PARP15: variants seen among roughly 807,000 people sequenced by gnomAD.
PARP15 encodes poly(ADP-ribose) polymerase family member 15, also known as protein mono-ADP-ribosyltransferase PARP15.
Under a neutral mutation model 62.1 loss-of-function variants are expected in PARP15, and 50 were observed. The ratio of observed to expected loss-of-function variants is 0.81; its 90% confidence interval spans 0.64 to 1.02. The LOEUF is 1.02. Among genes scored for constraint, PARP15 ranks in the 50% least tolerant of loss-of-function variants. The probability of loss-of-function intolerance (pLI) is 0.00; values close to 1 mark genes in which losing one functional copy is unlikely to be tolerated. For missense variants in PARP15, 820 were observed against 826.5 expected (o/e 0.99, Z 0.10); for synonymous variants, 309 against 293.1 (o/e 1.05, Z -0.55).
At chr3:122,581,154 AT>A (rs1306638606) in intron 1 of PARP15, among the ~76,000 whole-genome samples, 5 of 152,328 alleles carry the variant, frequency 3.3e-5, no homozygotes, top group Admixed American at 2.0e-4. Context: ...ATCAGACTGT[AT>A]CCCCATCATT....
chr3:122,617,101 A>G lies in PARP15; in HGVS notation c.937A>G (p.Ile313Val). The G allele has an allele frequency of 1.9e-6, 3 of 1,614,098 alleles. No individual in the cohort carries two copies. Among genetic ancestry groups the G allele is most frequent in the Admixed American group, 1.7e-5 (1 of 60,032 alleles). The part of the protein sequence containing the change: ...AITFQVATGD[I>V]ATEQVDVIVN... ...TACTTTTCAGGTTGCTACTGGAGAT[A>G]TAGCCACTGAACAGGTAGATGTTAT... The change falls in exon 6 of 12, where the codon ATA (isoleucine) becomes GTA (valine). Residue 313 changes from isoleucine to valine, a missense_variant. Physicochemically the swap from Ile to Val is conservative, Grantham distance 29. This residue lies in a region of PARP15 where 731 missense variants were observed against 727.7 expected (regional missense o/e 1.00). Coordinates refer to ENST00000464300, the MANE Select transcript of PARP15 (RefSeq NM_001113523.3).
rs1202062598 is a variant in PARP15, at chr3:122,629,815, C to T, written c.1439-2271C>T. On this transcript the variant is annotated intron_variant, in intron 9 of 11. Coordinates refer to ENST00000464300, the MANE Select transcript of PARP15 (RefSeq NM_001113523.3). The stretch of plus-strand genomic sequence containing the variant: ...TAGATTCTCATTAGGAGTGCACAAC[C>T]TAGATCCCTTGCATGCACAGTTCAC... Among the ~76,000 whole-genome samples, 8 of 152,276 alleles carry T rather than the reference C, an allele frequency of 5.3e-5. No homozygotes were observed. In the East Asian group the frequency reaches 1.2e-3, roughly 22 times the overall value.
intron 1 of PARP15, among the ~76,000 whole-genome samples, chr3:122,587,777 C>G (rs1434801863): frequency 6.6e-6 from 1 of 152,100 alleles, no homozygotes; most frequent in African/African-American, 2.4e-5. Context: ...TTCTCAGTCT[C>G]CTAAAGTACT....
At chr3:122,630,166 G>A (rs1418688171) in intron 9 of PARP15, among the ~76,000 whole-genome samples, 1 of 152,150 alleles carries the variant, frequency 6.6e-6, no homozygotes, top group African/African-American at 2.4e-5. Context: ...TGAAGCCGTG[G>A]GCTGCAAGTC....
intron 1 of PARP15, among the ~76,000 whole-genome samples, chr3:122,601,215 G>C (rs1474954208): frequency 6.6e-6 from 1 of 151,622 alleles, no homozygotes; most frequent in Non-Finnish European, 1.5e-5. Flanking sequence ...GTAGAGATGG[G>C]GTTTCACCAT....
At position 122,577,770 on chromosome 3, in the gene PARP15, C is replaced by A. The variant is rs757090515; in HGVS notation, c.103C>A (p.Arg35=). The A allele has an allele frequency of 4.0e-5, 62 of 1,551,612 alleles. No individual in the cohort carries two copies. The highest frequency in any genetic ancestry group is 4.9e-5 in the Non-Finnish European group (56 of 1,146,946). The change falls in exon 1 of 12, where the codon CGA becomes AGA. Residue 35 remains arginine (R), a synonymous_variant. Coordinates refer to ENST00000464300, the MANE Select transcript of PARP15 (RefSeq NM_001113523.3). ...GVAGVTSRAG[R]DREAGSVLPA... is the part of the protein sequence containing the mutation. ...TGCAGGTGTTACTTCCAGAGCCGGACGAGATCGGGAGGCGGGGAGCGTGCT... is the reference window on the plus strand; with the variant it reads ...TGCAGGTGTTACTTCCAGAGCCGGAAGAGATCGGGAGGCGGGGAGCGTGCT...
At chr3:122,603,016 G>C (rs116078623) in intron 1 of PARP15, among the ~76,000 whole-genome samples, 2,409 of 152,096 alleles carry the variant, frequency 0.016, 65 homozygotes, top group African/African-American at 0.054. Flanking sequence ...GGTTTTGTCT[G>C]AATGATGACT....
At chr3:122,585,714 C>T (rs1266472461) in intron 1 of PARP15, among the ~76,000 whole-genome samples, 2 of 152,194 alleles carry the variant, frequency 1.3e-5, no homozygotes, top group African/African-American at 4.8e-5. Context: ...ACTGAACTCA[C>T]CCTTTCGTCA....
At chr3:122,619,754 CT>C in intron 6 of PARP15, 26 bp from the exon 7 acceptor site, 1 of 1,573,826 alleles carries the variant, frequency 6.4e-7, no homozygotes, top group Non-Finnish European at 8.7e-7. Context: ...TAACTGATGC[CT>C]TTTACCATTA....
intron 1 of PARP15, among the ~76,000 whole-genome samples, chr3:122,596,829 T>C (rs751799523): frequency 2.0e-5 from 3 of 152,150 alleles, no homozygotes; most frequent in Non-Finnish European, 4.4e-5. Context: ...CCTGAAACTA[T>C]AAGTGGGAAG....
chr3:122,615,430 G>C, intron 4 of PARP15: 3 of 1,274,098 alleles, frequency 2.4e-6, no homozygotes, highest in Middle Eastern at 4.3e-4. Context: ...ACTTCCCTCA[G>C]CCTATTGGAT....
At chr3:122,633,334 A>G (rs943136339) in intron 10 of PARP15, among the ~76,000 whole-genome samples, 3 of 152,196 alleles carry the variant, frequency 2.0e-5, no homozygotes, top group Non-Finnish European at 2.9e-5. Context: ...GGGAGCCAGG[A>G]GATAGAGACA....
chr3:122,598,103 G>C (rs1044504845), intron 1 of PARP15, among the ~76,000 whole-genome samples: 1 of 152,118 alleles, frequency 6.6e-6, no homozygotes, highest in Admixed American at 6.5e-5. Context: ...CTGGTATAGT[G>C]GTTAGAGCTT....
chr3:122,582,250 C>A (rs1576469880), intron 1 of PARP15, among the ~76,000 whole-genome samples: 2 of 152,186 alleles, frequency 1.3e-5, no homozygotes, highest in East Asian at 3.9e-4. Flanking sequence ...CTGCTCACAG[C>A]AGCCTTGACT....
At chr3:122,578,305 C>T (rs1381641858) in intron 1 of PARP15, among the ~76,000 whole-genome samples, 2 of 152,074 alleles carry the variant, frequency 1.3e-5, no homozygotes, top group Non-Finnish European at 2.9e-5. Context: ...TAGTCATACT[C>T]TTCCCTACAC....
At chr3:122,590,303 C>T (rs745586489) in intron 1 of PARP15, among the ~76,000 whole-genome samples, 9 of 151,784 alleles carry the variant, frequency 5.9e-5, no homozygotes, top group East Asian at 1.9e-4. Context: ...GATGGGGTCT[C>T]GCTCTGTTGC....
At chr3:122,595,862 TTCC>T (rs956557087) in intron 1 of PARP15, among the ~76,000 whole-genome samples, 2 of 152,018 alleles carry the variant, frequency 1.3e-5, no homozygotes, top group Admixed American at 1.3e-4. Context: ...TCTTTTCTCA[TTCC>T]TCTTCTTTCC....
chr3:122,595,608 A>T (rs1934273616), intron 1 of PARP15, among the ~76,000 whole-genome samples: 1 of 152,158 alleles, frequency 6.6e-6, no homozygotes, highest in African/African-American at 2.4e-5. Flanking sequence ...AGAGGGCAGT[A>T]GCACGATCTT....
Position 122,579,999 on chromosome 3 carries a change from GTATATA to G in PARP15, c.186+2178_186+2183del, listed in dbSNP as rs59527124. Among the ~76,000 whole-genome samples, 114 of 64,450 alleles carry G rather than the reference GTATATA, an allele frequency of 1.8e-3. 1 individual carries two copies. The highest frequency in any genetic ancestry group is 1.2e-3 in the South Asian group (2 of 1,614). The allele number at this position is 64,450 out of a possible 152,430, so 42.3% of individuals were successfully genotyped here. A position where few individuals can be genotyped will look rare whatever the true frequency, so the allele number is the denominator to read the frequency against. On this transcript the variant is annotated intron_variant, in intron 1 of 11. Transcript: ENST00000464300. ...GTCTGAACAACAACAGCAACTATAT[GTATATA>G]TATATATATATATATATATATATAT...
Sources: gnomAD v4.1 joint callset for allele counts (sites outside exome capture counted in the v4.1 genomes callset) on GRCh38, gnomAD v4.1.1 for gene constraint, gnomAD v4.1.1 regional missense constraint, MANE v1.5 for transcripts, NCBI Gene and HGNC (gene_info 2026-07-23, HGNC 2026-07-21) for gene names.